The following PEF1 variants were observed in gnomAD, a reference collection of about 807,000 sequenced individuals.
PEF1 encodes the protein peflin.
PEF1 carries 17 observed loss-of-function variants against 32.0 expected under a neutral mutation model. The observed-to-expected ratio is 0.53, with a 90% confidence interval of 0.36 to 0.80. PEF1 has a LOEUF of 0.80. Ranked by LOEUF, PEF1 falls within the 30% of genes least tolerant of loss-of-function variation. PEF1 has a pLI of 0.00. For synonymous variants in PEF1, 130 were observed against 139.8 expected, an observed-to-expected ratio of 0.93 and a Z score of 0.50; for missense variants, 362 against 369.1, an observed-to-expected ratio of 0.98 and a Z score of 0.16.
rs745940669 is a variant in PEF1 at position 31,633,358 on chromosome 1, G to A, written c.326-44C>T. On this transcript the variant is annotated intron_variant, in intron 2 of 4. Coordinates refer to ENST00000373703, the MANE Select transcript of PEF1 (RefSeq NM_012392.4). ...AGGCCATCAACAGAAATGCCAGGAA[G>A]GGCCAGCCTCAGTAACTTCCTGGCT... 3.8e-6 allele frequency: 6 copies of A among 1,563,606 alleles called. No individual in the cohort carries two copies. In the South Asian group the frequency reaches 7.0e-5, roughly 18 times the overall value.
intron 4 of PEF1, 86 bp from the exon 5 acceptor site, chr1:31,630,928 C>T: frequency 8.7e-7 from 1 of 1,146,378 alleles, no homozygotes; most frequent in Non-Finnish European, 1.3e-6. Flanking sequence ...CACAACAGTT[C>T]AAGGAACTTC....
Position 31,630,694 on chromosome 1 carries a change from C to T in PEF1, c.774G>A (p.Arg258=). ...TQLQVLTEAF[R]EKDTAVQGNI... is the part of the protein sequence containing the mutation. ...TGCCTTGTACAGCTGTGTCCTTCTC[C>T]CGGAAGGCCTCTGTCAGCACCTGCA... is the stretch of plus-strand genomic sequence containing the variant. The change falls in exon 5 of 5, where the codon CGG becomes CGA. Residue 258 remains arginine (R), a synonymous_variant. Transcript: ENST00000373703. 1 of 1,614,026 alleles carries T rather than the reference C, an allele frequency of 6.2e-7. No homozygotes were observed. The highest frequency in any genetic ancestry group is 2.2e-5 in the East Asian group (1 of 44,884).
intron 2 of PEF1, 169 bp downstream of exon 2, chr1:31,635,053 C>G: frequency 1.1e-6 from 1 of 906,078 alleles, no homozygotes; most frequent in Non-Finnish European, 1.8e-6. Context: ...ATGCTTGCAA[C>G]AAAACTAGCT....
chr1:31,633,300 T>TG lies in PEF1; in HGVS notation c.339dup (p.Asn114GlnfsTer5), dbSNP rs748039272. On this transcript the variant is annotated frameshift_variant, in exon 3 of 5. Transcript: ENST00000373703. LOFTEE classifies it high-confidence loss of function. ...CAGGAGTAGGCCTCAGGATCCACAT[T>TG]GGGAGGGGCGCCACCTGGAGGAAGG... 6.2e-7 allele frequency: 1 copy of TG among 1,612,430 alleles called. No individual in the cohort carries two copies.
intron 2 of PEF1, chr1:31,634,854 C>G (rs547689619): frequency 2.1e-6 from 1 of 470,982 alleles, no homozygotes; most frequent in South Asian, 1.5e-5. Flanking sequence ...CTTTAAGAGG[C>G]ATTGTGCATT....
At chr1:31,633,785 G>A (rs1180523204) in intron 2 of PEF1, among the ~76,000 whole-genome samples, 3 of 152,004 alleles carry the variant, frequency 2.0e-5, no homozygotes, top group South Asian at 2.1e-4. Context: ...GAGAAACCCC[G>A]TCTCTACTAA....
chr1:31,630,969 T>G, intron 4 of PEF1, 127 bp from the exon 5 acceptor site: 3 of 784,554 alleles, frequency 3.8e-6, no homozygotes, highest in Admixed American at 2.1e-5. Flanking sequence ...ACAAAGAGGG[T>G]AGAGAAATCC....
In PEF1 at chr1:31,630,706, T is replaced by A. The variant is rs1640072835; in HGVS notation, c.762A>T (p.Thr254=). The A allele has an allele frequency of 6.2e-7, 1 of 1,614,146 alleles. No homozygotes were observed. The highest frequency in any genetic ancestry group is 8.5e-7 in the Non-Finnish European group (1 of 1,180,038). ...CTGTGTCCTTCTCCCGGAAGGCCTCTGTCAGCACCTGCAGCTGGGTGCACA... is the reference window on the plus strand; with the variant it reads ...CTGTGTCCTTCTCCCGGAAGGCCTCAGTCAGCACCTGCAGCTGGGTGCACA... ...IQVCTQLQVL[T]EAFREKDTAV... The change falls in exon 5 of 5, where the codon ACA becomes ACT. Residue 254 remains threonine (T), a synonymous_variant. Coordinates refer to ENST00000373703, the MANE Select transcript of PEF1 (RefSeq NM_012392.4).
chr1:31,641,757 T>C (rs532297638), intron 1 of PEF1, among the ~76,000 whole-genome samples: 5 of 152,386 alleles, frequency 3.3e-5, no homozygotes, highest in African/African-American at 1.2e-4. Context: ...TCCCGTGCTG[T>C]ACCTTACACT....
intron 2 of PEF1, among the ~76,000 whole-genome samples, chr1:31,633,611 G>A (rs952579190): frequency 6.6e-6 from 1 of 152,160 alleles, no homozygotes; most frequent in Non-Finnish European, 1.5e-5. Flanking sequence ...AGCATTTCAA[G>A]AATTCTCTGG....
At chr1:31,644,589 G>A in intron 1 of PEF1, 1 of 1,428,236 alleles carries the variant, frequency 7.0e-7, no homozygotes, top group Non-Finnish European at 9.1e-7. Context: ...GGACCTGTGG[G>A]GTCCAAGGTC....
intron 1 of PEF1, among the ~76,000 whole-genome samples, chr1:31,639,425 G>A (rs1298528956): frequency 1.3e-5 from 2 of 152,214 alleles, no homozygotes; most frequent in Non-Finnish European, 2.9e-5. Context: ...GCACCCCAGG[G>A]CCCAGCACAG....
At chr1:31,632,278 C>T in intron 4 of PEF1, 1 of 810,360 alleles carries the variant, frequency 1.2e-6, no homozygotes. Flanking sequence ...GGGTCCAGCC[C>T]TGATTCTGGA....
chr1:31,644,255 TTC>T, intron 1 of PEF1: 1 of 456,828 alleles, frequency 2.2e-6, no homozygotes, highest in Non-Finnish European at 2.9e-6. Flanking sequence ...ATAGCCCGGG[TTC>T]TGACCTCGGC....
At chr1:31,644,499 C>T in intron 1 of PEF1, 2 of 1,280,570 alleles carry the variant, frequency 1.6e-6, no homozygotes, top group Non-Finnish European at 2.0e-6. Flanking sequence ...AACTCTAAAC[C>T]TCCGGTCATG....
intron 2 of PEF1, chr1:31,634,796 C>G: frequency 2.2e-6 from 1 of 454,556 alleles, no homozygotes; most frequent in Non-Finnish European, 4.4e-6. Context: ...AGGGGGTGCT[C>G]TGGCCAAAAG....
At position 31,630,607 on chromosome 1, in the gene PEF1, G is replaced by A. The variant is rs367988776; in HGVS notation, c.*6C>T. ...TGGTGCACTCCACTCTCCACAGATGGTTGGGTCATAGCATCCGAGAAGCTG... is the reference window on the plus strand; with the variant it reads ...TGGTGCACTCCACTCTCCACAGATGATTGGGTCATAGCATCCGAGAAGCTG... On this transcript the variant is annotated 3_prime_UTR_variant, in exon 5 of 5. Transcript: ENST00000373703. 1.1e-5 allele frequency: 18 copies of A among 1,611,686 alleles called. No individual in the cohort carries two copies. The highest frequency in any genetic ancestry group is 6.7e-5 in the East Asian group (3 of 44,898).
intron 1 of PEF1, among the ~76,000 whole-genome samples, chr1:31,643,759 C>G (rs75270800): frequency 0.011 from 1,660 of 152,308 alleles, 22 homozygotes; most frequent in East Asian, 0.036. Flanking sequence ...TGTAATATAC[C>G]AATTGATCTT....
chr1:31,631,287 A>C (rs1640096157), intron 4 of PEF1, among the ~76,000 whole-genome samples: 1 of 152,222 alleles, frequency 6.6e-6, no homozygotes, highest in African/African-American at 2.4e-5. Context: ...TCCCTATCTT[A>C]TCATCTCTAA....
Sources: allele counts gnomAD v4.1 joint callset (sites outside exome capture counted in the v4.1 genomes callset), GRCh38; gene constraint gnomAD v4.1.1; transcripts MANE v1.5; gene names NCBI Gene and HGNC (gene_info 2026-07-23, HGNC 2026-07-21).